NR3C2: variants seen among roughly 807,000 people sequenced by gnomAD.
NR3C2 encodes nuclear receptor subfamily 3 group C member 2, also known as mineralocorticoid receptor.
In NR3C2, 15 loss-of-function variants were observed where a neutral mutation model predicts 86.4. That is an observed-to-expected ratio of 0.17 (90% CI 0.12 to 0.27). The LOEUF (loss-of-function observed/expected upper bound fraction) is 0.27, where lower values mean the gene tolerates loss of function less well. Among genes scored for constraint, NR3C2 ranks in the 10% least tolerant of loss-of-function variants. The pLI is 1.00. For synonymous variants in NR3C2, 458 were observed against 450.5 expected, an observed-to-expected ratio of 1.02 and a Z score of -0.21; for missense variants, 960 against 1,195.6, an observed-to-expected ratio of 0.80 and a Z score of 2.91.
intron 4 of NR3C2, among the ~76,000 whole-genome samples, chr4:148,185,656 A>T (rs1397926566): frequency 6.6e-6 from 1 of 152,182 alleles, no homozygotes; most frequent in Non-Finnish European, 1.5e-5. Flanking sequence ...AGAGATGACC[A>T]CCACTACTAG....
intron 4 of NR3C2, among the ~76,000 whole-genome samples, chr4:148,176,030 C>G (rs1474272947): frequency 2.6e-5 from 4 of 152,112 alleles, no homozygotes; most frequent in African/African-American, 9.7e-5. Flanking sequence ...TGCCTCCCAG[C>G]TTCTCTAGCA....
Position 148,190,367 on chromosome 4 carries a change from C to A in NR3C2, c.2014+4379G>T, listed in dbSNP as rs375020926. Among the ~76,000 whole-genome samples the A allele has an allele frequency of 1.5e-4, 23 of 152,244 alleles. No individual in the cohort carries two copies. In the South Asian group the frequency reaches 2.9e-3, roughly 19 times the overall value. The stretch of plus-strand genomic sequence containing the variant: ...TGAAGGTTCCTTTTGGAGTTGACGT[C>A]CAATTTTATTCCACTGTGGTCTGAG... On this transcript the variant is annotated intron_variant, in intron 4 of 8. Transcript: ENST00000358102.
intron 6 of NR3C2, 117 bp from the exon 7 acceptor site, chr4:148,120,405 A>G (rs1732461884): frequency 3.4e-6 from 4 of 1,172,158 alleles, no homozygotes; most frequent in Non-Finnish European, 5.0e-6. Flanking sequence ...TGGCTTCAAC[A>G]TGGAGCAGAT....
At chr4:148,376,681 G>A (rs575118529) in intron 2 of NR3C2, among the ~76,000 whole-genome samples, 31 of 152,240 alleles carry the variant, frequency 2.0e-4, no homozygotes, top group Admixed American at 4.6e-4. Context: ...TAGTTCTGCC[G>A]TCCAAGGGCA....
At chr4:148,169,691 G>GA (rs1186146371) in intron 4 of NR3C2, among the ~76,000 whole-genome samples, 5 of 152,262 alleles carry the variant, frequency 3.3e-5, no homozygotes, top group African/African-American at 9.6e-5. Flanking sequence ...AAACAATGAT[G>GA]AAACACATAA....
At chr4:148,426,846 T>C (rs17024717) in intron 2 of NR3C2, among the ~76,000 whole-genome samples, 3,604 of 152,302 alleles carry the variant, frequency 0.024, 135 homozygotes, top group African/African-American at 0.082. Flanking sequence ...CATCGCCACC[T>C]ATATGAAGAA....
chr4:148,271,485 G>T, intron 2 of NR3C2, among the ~76,000 whole-genome samples: 1 of 151,740 alleles, frequency 6.6e-6, no homozygotes, highest in South Asian at 2.1e-4. Context: ...TAAGATTTTC[G>T]GCACACACTG....
intron 6 of NR3C2, among the ~76,000 whole-genome samples, chr4:148,149,895 GA>G (rs949055339): frequency 6.6e-6 from 1 of 152,202 alleles, no homozygotes; most frequent in South Asian, 2.1e-4. Flanking sequence ...TTAATAAAAA[GA>G]AAAAAGTGCT....
chr4:148,356,562 C>T (rs1252078433), intron 2 of NR3C2, among the ~76,000 whole-genome samples: 2 of 152,126 alleles, frequency 1.3e-5, no homozygotes, highest in African/African-American at 2.4e-5. Context: ...TATAAAACTA[C>T]TGTAAGTTGG....
intron 2 of NR3C2, among the ~76,000 whole-genome samples, chr4:148,287,349 G>A (rs1277433081): frequency 6.6e-6 from 1 of 152,152 alleles, no homozygotes; most frequent in African/African-American, 2.4e-5. Flanking sequence ...TTAGCTTGAT[G>A]TGCATCATTC....
chr4:148,391,951 C>T (rs992406599), intron 2 of NR3C2, among the ~76,000 whole-genome samples: 4 of 141,618 alleles, frequency 2.8e-5, no homozygotes, highest in African/African-American at 2.6e-5. Context: ...CAAGTAATAA[C>T]GTAGTAAAAA....
At chr4:148,289,845 C>CT (rs1741714667) in intron 2 of NR3C2, among the ~76,000 whole-genome samples, 1 of 152,152 alleles carries the variant, frequency 6.6e-6, no homozygotes, top group East Asian at 1.9e-4. Flanking sequence ...GCGAGCTGCC[C>CT]TATGGAGTGG....
intron 2 of NR3C2, among the ~76,000 whole-genome samples, chr4:148,340,576 C>G (rs775342535): frequency 2.0e-5 from 3 of 152,010 alleles, no homozygotes; most frequent in Non-Finnish European, 2.9e-5. Flanking sequence ...CTGGCCTAGA[C>G]AAAGATTTGT....
intron 2 of NR3C2, among the ~76,000 whole-genome samples, chr4:148,328,539 C>T (rs1468850362): frequency 6.6e-6 from 1 of 152,176 alleles, no homozygotes; most frequent in Non-Finnish European, 1.5e-5. Flanking sequence ...TAAAAGGAAT[C>T]AGAGGAGACC....
rs781138062 is a variant in NR3C2, at chr4:148,436,795, A to C, written c.66T>G (p.Val22=). 1.5e-5 allele frequency: 24 copies of C among 1,613,368 alleles called. No individual in the cohort carries two copies. Among genetic ancestry groups the C allele is most frequent in the Non-Finnish European group, 1.9e-5 (23 of 1,179,836 alleles). The stretch of plus-strand genomic sequence containing the variant: ...GGGAAGAACGCTCCACAGCCTGAGA[A>C]ACTTGACCCCACCGTCTTTCCATAT... ...GLDMERRWGQ[V]SQAVERSSLG... is the part of the protein sequence containing the mutation. Residue 22 remains valine (V), a synonymous_variant, in exon 2 of 9, where the codon GTT becomes GTG. Coordinates refer to ENST00000358102, the MANE Select transcript of NR3C2 (RefSeq NM_000901.5).
intron 2 of NR3C2, among the ~76,000 whole-genome samples, chr4:148,312,660 T>C (rs1361944452): frequency 6.6e-6 from 1 of 152,192 alleles, no homozygotes; most frequent in East Asian, 1.9e-4. Flanking sequence ...TGACAAGTTA[T>C]ATACAGTTGT....
chr4:148,222,850 A>G (rs1316113840), intron 3 of NR3C2, among the ~76,000 whole-genome samples: 2 of 152,176 alleles, frequency 1.3e-5, no homozygotes, highest in East Asian at 1.9e-4. Flanking sequence ...TAGATACTAC[A>G]GGATTACACA....
At position 148,435,995 on chromosome 4, in the gene NR3C2, T is replaced by C. The variant is rs754997003; in HGVS notation, c.866A>G (p.Asn289Ser). 5 of 1,614,154 alleles carry C rather than the reference T, an allele frequency of 3.1e-6. No individual in the cohort carries two copies. Among genetic ancestry groups the C allele is most frequent in the Middle Eastern group, 3.3e-4 (2 of 6,062 alleles). ...CACAGAGGATCTCAGAGTGACATTA[T>C]TGGGACTGGAGACTGGAGATTTTAC... The part of the protein sequence containing the change: ...CSVKSPVSSP[N>S]NVTLRSSVSS... Residue 289 changes from asparagine to serine, a missense_variant, in exon 2 of 9, where the codon AAT becomes AGT. By Grantham distance (46) the Asn-to-Ser change is conservative. This residue lies in a region of NR3C2 where 680 missense variants were observed against 719.0 expected (regional missense o/e 0.95). Transcript: ENST00000358102.
intron 6 of NR3C2, among the ~76,000 whole-genome samples, chr4:148,120,859 C>T (rs1175376735): frequency 6.6e-6 from 1 of 152,106 alleles, no homozygotes; most frequent in Non-Finnish European, 1.5e-5. Context: ...TGGAATTTTT[C>T]TGATAAAGAG....
Sources: allele counts gnomAD v4.1 joint callset (sites outside exome capture counted in the v4.1 genomes callset), GRCh38; gene constraint gnomAD v4.1.1; regional missense constraint gnomAD v4.1.1; transcripts MANE v1.5; gene names NCBI Gene and HGNC (gene_info 2026-07-23, HGNC 2026-07-21).